The following CRPPA variants were observed in gnomAD, a reference collection of about 807,000 sequenced individuals.
CRPPA encodes CDP-L-ribitol pyrophosphorylase A.
A neutral mutation model predicts 52.0 loss-of-function variants in CRPPA; 43 were observed. That is an observed-to-expected ratio of 0.83 (90% CI 0.65 to 1.07). The LOEUF is 1.07. Among genes scored for constraint, CRPPA ranks in the 50% least tolerant of loss-of-function variants. The pLI, the probability that CRPPA is intolerant of heterozygous loss-of-function variation, is 0.00. For synonymous variants in CRPPA, 250 were observed against 203.5 expected (o/e 1.23, Z -1.94); for missense variants, 629 against 551.7 (o/e 1.14, Z -1.40).
At chr7:16,159,778 C>T (rs1414559894) in intron 9 of CRPPA, among the ~76,000 whole-genome samples, 6 of 152,300 alleles carry the variant, frequency 3.9e-5, no homozygotes, top group Admixed American at 6.5e-5. Flanking sequence ...CTTGAGGAAT[C>T]GCCACACTGT....
intron 9 of CRPPA, among the ~76,000 whole-genome samples, chr7:16,142,366 A>G (rs1385483782): frequency 2.6e-5 from 4 of 152,156 alleles, no homozygotes; most frequent in Admixed American, 2.6e-4. Context: ...TAACTTGTAC[A>G]TTAATTTAAA....
chr7:16,092,602 C>T (rs1317632122), intron 9 of CRPPA, among the ~76,000 whole-genome samples: 1 of 152,186 alleles, frequency 6.6e-6, no homozygotes, highest in Admixed American at 6.5e-5. Context: ...AGCATAGCAC[C>T]TTCTGTCCTC....
chr7:16,206,771 G>A (rs1304182858), intron 9 of CRPPA, among the ~76,000 whole-genome samples: 1 of 152,034 alleles, frequency 6.6e-6, no homozygotes, highest in Non-Finnish European at 1.5e-5. Context: ...GTGTCTGTGT[G>A]AAACATCTGT....
chr7:16,392,626 A>G (rs1001320487), intron 2 of CRPPA, among the ~76,000 whole-genome samples: 1 of 152,168 alleles, frequency 6.6e-6, no homozygotes, highest in African/African-American at 2.4e-5. Context: ...ATACACTGTG[A>G]ACTCGTTTCC....
At chr7:16,295,825 TG>T (rs1784660945) in intron 5 of CRPPA, among the ~76,000 whole-genome samples, 2 of 152,236 alleles carry the variant, frequency 1.3e-5, no homozygotes, top group South Asian at 4.1e-4. Context: ...TCAACCAGCT[TG>T]GGCAACAAAA....
intron 8 of CRPPA, among the ~76,000 whole-genome samples, chr7:16,240,612 CACTA>C (rs1241000636): frequency 3.3e-5 from 5 of 151,484 alleles, no homozygotes; most frequent in African/African-American, 7.3e-5. Flanking sequence ...TTCACACACA[CACTA>C]TTCATTTAAA....
intron 9 of CRPPA, among the ~76,000 whole-genome samples, chr7:16,118,903 T>C (rs1782430124): frequency 6.6e-6 from 1 of 152,130 alleles, no homozygotes; most frequent in East Asian, 1.9e-4. Context: ...AGTAGTTGTG[T>C]CCTCAGTGGC....
chr7:16,174,123 A>G (rs1264081107), intron 9 of CRPPA, among the ~76,000 whole-genome samples: 2 of 152,184 alleles, frequency 1.3e-5, no homozygotes, highest in Admixed American at 1.3e-4. Context: ...AAGAAGCCAG[A>G]CCAAAAAGGC....
At chr7:16,387,793 A>T (rs569681243) in intron 2 of CRPPA, among the ~76,000 whole-genome samples, 8 of 152,174 alleles carry the variant, frequency 5.3e-5, no homozygotes, top group Non-Finnish European at 8.8e-5. Context: ...ACCAAATAAA[A>T]CTAACAGACA....
intron 9 of CRPPA, among the ~76,000 whole-genome samples, chr7:16,203,422 T>C (rs1289259110): frequency 6.6e-6 from 1 of 152,184 alleles, no homozygotes; most frequent in African/African-American, 2.4e-5. Context: ...AAAATGAAGA[T>C]ATATTTTACA....
intron 9 of CRPPA, among the ~76,000 whole-genome samples, chr7:16,139,783 C>T (rs1284485897): frequency 6.6e-6 from 1 of 152,084 alleles, no homozygotes. Context: ...CTCAACTCTG[C>T]CACATGATTT....
rs891870723 is a variant in CRPPA at position 16,364,939 on chromosome 7, G to C, written c.684+11153C>G. On this transcript the variant is annotated intron_variant, in intron 3 of 9. Transcript: ENST00000407010. ...ATTCCAGTAAAATCTTCCAACTGGA[G>C]GAAACTTAACATAAGATTTCAAATT... Among the ~76,000 whole-genome samples, 3 of 152,230 alleles carry C rather than the reference G, an allele frequency of 2.0e-5. No homozygotes were observed. The South Asian group carries it at 6.2e-4, about 32-fold the overall frequency.
chr7:16,203,948 C>T (rs751621893), intron 9 of CRPPA, among the ~76,000 whole-genome samples: 37 of 152,076 alleles, frequency 2.4e-4, no homozygotes, highest in Non-Finnish European at 4.4e-4. Context: ...ATTTGACACA[C>T]GTATTAATTC....
At chr7:16,253,716 C>T (rs544770777) in intron 8 of CRPPA, among the ~76,000 whole-genome samples, 28 of 152,132 alleles carry the variant, frequency 1.8e-4, no homozygotes, top group African/African-American at 6.7e-4. Context: ...GCAATGGCAA[C>T]GAAAGCCAAA....
At chr7:16,352,372 G>A (rs550285983) in intron 3 of CRPPA, among the ~76,000 whole-genome samples, 1 of 151,480 alleles carries the variant, frequency 6.6e-6, no homozygotes, top group South Asian at 2.1e-4. Flanking sequence ...TAACAAACCT[G>A]CACATTCTGC....
At position 16,316,431 on chromosome 7, in the gene CRPPA, T is replaced by C. The variant is rs534617130; in HGVS notation, c.685-7804A>G. 5.3e-5 allele frequency among the ~76,000 whole-genome samples: 8 copies of C among 152,316 alleles called. No individual in the cohort carries two copies. The South Asian group carries it at 1.7e-3, about 32-fold the overall frequency. The stretch of plus-strand genomic sequence containing the variant: ...TGTTTAAATTATATGTCTTATGTAG[T>C]AAAACATGTTATATTCCTGAAAAAC... On this transcript the variant is annotated intron_variant, in intron 3 of 9. Coordinates refer to ENST00000407010, the MANE Select transcript of CRPPA (RefSeq NM_001101426.4).
rs1784248541 is a variant in CRPPA at position 16,278,177 on chromosome 7, G to T, written c.885C>A (p.Asn295Lys). 4 of 1,580,556 alleles carry T rather than the reference G, an allele frequency of 2.5e-6. No individual in the cohort carries two copies. The East Asian group carries it at 6.7e-5, about 27-fold the overall frequency. The change falls in exon 6 of 10, where the codon AAC (asparagine) becomes AAA (lysine). Residue 295 changes from asparagine to lysine, a missense_variant. By Grantham distance (94) the Asn-to-Lys change is moderately conservative (BLOSUM62 0). Coordinates refer to ENST00000407010, the MANE Select transcript of CRPPA (RefSeq NM_001101426.4). ...ICVVMDTEED[N>K]KHVGHLLEEV... ...CTTCAAGAAGATGACCTACATGTTTGTTATCTTCTTCTGTATCCATAACTA... is the reference window on the plus strand; with the variant it reads ...CTTCAAGAAGATGACCTACATGTTTTTTATCTTCTTCTGTATCCATAACTA...
intron 9 of CRPPA, among the ~76,000 whole-genome samples, chr7:16,179,776 G>A (rs374618387): frequency 2.0e-5 from 3 of 152,166 alleles, no homozygotes; most frequent in East Asian, 3.9e-4. Flanking sequence ...TGTGGCATAC[G>A]TTATTTGTGC....
intron 1 of CRPPA, among the ~76,000 whole-genome samples, chr7:16,417,141 A>C (rs1482166933): frequency 1.3e-5 from 2 of 152,182 alleles, no homozygotes; most frequent in African/African-American, 4.8e-5. Context: ...GCCAAAAAAA[A>C]ACAGATGCTA....
Sources: gnomAD v4.1 joint callset for allele counts (sites outside exome capture counted in the v4.1 genomes callset) on GRCh38, gnomAD v4.1.1 for gene constraint, MANE v1.5 for transcripts, NCBI Gene and HGNC (gene_info 2026-07-23, HGNC 2026-07-21) for gene names.